WDFY3: variants seen among roughly 807,000 people sequenced by gnomAD.
The protein encoded by WDFY3 is WD repeat and FYVE domain containing 3, also known as WD repeat and FYVE domain-containing protein 3.
WDFY3 carries 66 observed loss-of-function variants against 409.6 expected under a neutral mutation model. The ratio of observed to expected loss-of-function variants is 0.16; its 90% CI spans 0.13 to 0.20. WDFY3 has a LOEUF of 0.20. Ranked by LOEUF, WDFY3 falls within the 10% of genes least tolerant of loss-of-function variation. WDFY3 has a pLI of 1.00. For synonymous variants in WDFY3, 1,521 were observed against 1,537.1 expected, an observed-to-expected ratio of 0.99 and a Z score of 0.25; for missense variants, 3,031 against 4,298.1, an observed-to-expected ratio of 0.71 and a Z score of 8.24.
At chr4:84,839,609 G>A (rs952538371) in intron 6 of WDFY3, among the ~76,000 whole-genome samples, 1 of 151,868 alleles carries the variant, frequency 6.6e-6, no homozygotes, top group Non-Finnish European at 1.5e-5. Context: ...TGTAATCCCA[G>A]CACTTTGGGA....
intron 2 of WDFY3, among the ~76,000 whole-genome samples, chr4:84,931,087 A>C (rs1227931549): frequency 6.6e-6 from 1 of 152,148 alleles, no homozygotes; most frequent in Non-Finnish European, 1.5e-5. Flanking sequence ...GTATAGAAAA[A>C]ACATAGTATA....
chr4:84,789,308 G>A (rs1409034282), intron 22 of WDFY3, among the ~76,000 whole-genome samples: 2 of 151,396 alleles, frequency 1.3e-5, no homozygotes, highest in African/African-American at 2.4e-5. Flanking sequence ...TGGGTGATAT[G>A]AAAACAAAGA....
At chr4:84,891,624 ATTT>A (rs892673389) in intron 3 of WDFY3, among the ~76,000 whole-genome samples, 9 of 152,168 alleles carry the variant, frequency 5.9e-5, no homozygotes, top group African/African-American at 2.2e-4. Context: ...ATTTGAAAGT[ATTT>A]ATTATGTTTG....
intron 21 of WDFY3, 135 bp from the exon 22 acceptor site, chr4:84,790,042 A>G: frequency 1.0e-6 from 1 of 991,302 alleles, no homozygotes; most frequent in Non-Finnish European, 1.5e-6. Context: ...TAATAATACA[A>G]CTCTGGAAAA....
At chr4:84,952,350 T>C (rs1773716195) in intron 1 of WDFY3, among the ~76,000 whole-genome samples, 1 of 152,210 alleles carries the variant, frequency 6.6e-6, no homozygotes, top group Non-Finnish European at 1.5e-5. Flanking sequence ...TTTTCATTAA[T>C]ATTTATTGTA....
chr4:84,851,068 T>C (rs888423657), intron 4 of WDFY3, among the ~76,000 whole-genome samples: 1 of 149,584 alleles, frequency 6.7e-6, no homozygotes, highest in Admixed American at 6.7e-5. Context: ...ATTACAGGTG[T>C]GAGCCACTAT....
intron 39 of WDFY3, among the ~76,000 whole-genome samples, chr4:84,739,863 T>C (rs998647014): frequency 2.0e-5 from 3 of 152,206 alleles, no homozygotes; most frequent in Admixed American, 2.0e-4. Context: ...ATTTAACATA[T>C]AACACTGCAT....
At position 84,844,400 on chromosome 4, in the gene WDFY3, C is replaced by T. The variant is rs1040189045; in HGVS notation, c.305-3137G>A. On this transcript the variant is annotated intron_variant, in intron 5 of 67. Transcript: ENST00000295888. ...AGAAAAACAATATTAGAACTCACAGCTTCCATGCTTCTTTTCATTTGACAA... is the reference window on the plus strand; with the variant it reads ...AGAAAAACAATATTAGAACTCACAGTTTCCATGCTTCTTTTCATTTGACAA... 8 of 1,274,662 alleles carry T rather than the reference C, an allele frequency of 6.3e-6. No individual in the cohort carries two copies. In the African/African-American group the frequency reaches 1.2e-4, roughly 20 times the overall value. The allele number at this position is 1,274,662 out of a possible 1,614,324, so 79.0% of individuals were successfully genotyped here.
Position 84,801,831 on chromosome 4 carries a change from T to C in WDFY3, c.2641A>G (p.Ile881Val), listed in dbSNP as rs747852446. The C allele has an allele frequency of 1.9e-6, 3 of 1,614,086 alleles. No homozygotes were observed. The South Asian group carries it at 3.3e-5, about 18-fold the overall frequency. The change falls in exon 17 of 68, where the codon ATT becomes GTT. Residue 881 changes from isoleucine to valine, a missense_variant. Ile to Val is a conservative substitution (Grantham distance 29). Transcript: ENST00000295888. ...TCTGTGTGCACCAGGGATTGTAAAA[T>C]ATTTGCCACGGCAAGTTGAAGATCC... ...ALDLQLAVAN[I>V]LQSLVHTERN...
Position 84,849,898 on chromosome 4 carries a change from A to G in WDFY3, c.304+4T>C, listed in dbSNP as rs772675613. On this transcript the variant is annotated splice_donor_region_variant and intron_variant, in intron 5 of 67. Transcript: ENST00000295888. ...TCAGTTTTTGCTGGCTACTGTAAAA[A>G]TACCTGTGGATTTGTTTGATGCTCT... 19 of 1,610,270 alleles carry G rather than the reference A, an allele frequency of 1.2e-5. 1 individual carries two copies. In the South Asian group the frequency reaches 2.0e-4, roughly 17 times the overall value.
chr4:84,705,343 C>A, intron 54 of WDFY3, 51 bp downstream of exon 54: 2 of 1,472,932 alleles, frequency 1.4e-6, no homozygotes, highest in Non-Finnish European at 1.9e-6. Flanking sequence ...TACATAATGA[C>A]TTACTTTTGA....
chr4:84,695,960 A>T lies in WDFY3; in HGVS notation c.8901+10T>A, dbSNP rs1043699583. On this transcript the variant is annotated intron_variant, in intron 58 of 67. Coordinates refer to ENST00000295888, the MANE Select transcript of WDFY3 (RefSeq NM_014991.6). ...AGAGTACATCAATGACAAGAAAAAA[A>T]CATCCATACCTGTTTAGGGATCTGA... 2.5e-6 allele frequency: 4 copies of T among 1,611,618 alleles called. No individual in the cohort carries two copies. The highest frequency in any genetic ancestry group is 3.4e-6 in the Non-Finnish European group (4 of 1,178,802).
chr4:84,700,687 T>C (rs1021698821), intron 56 of WDFY3, among the ~76,000 whole-genome samples: 1 of 152,244 alleles, frequency 6.6e-6, no homozygotes, highest in African/African-American at 2.4e-5. Flanking sequence ...GTGATAGATG[T>C]TTCTGGAAGA....
intron 30 of WDFY3, among the ~76,000 whole-genome samples, chr4:84,769,576 G>A (rs376830475): frequency 2.6e-5 from 4 of 151,838 alleles, no homozygotes; most frequent in South Asian, 2.1e-4. Context: ...CACCATGCCC[G>A]GCTAATTTTT....
Position 84,679,191 on chromosome 4 carries a change from C to T in WDFY3, c.9875G>A (p.Ser3292Asn). The T allele has an allele frequency of 6.2e-7, 1 of 1,600,006 alleles. No individual in the cohort carries two copies. Among genetic ancestry groups the T allele is most frequent in the South Asian group, 1.1e-5 (1 of 89,824 alleles). The change falls in exon 65 of 68, where the codon AGC (serine) becomes AAC (asparagine). Residue 3292 changes from serine (S) to asparagine (N), a missense_variant. Around this residue, in one of 16 missense-constraint regions of WDFY3, gnomAD observed 378 missense variants for 477.3 expected, o/e 0.79. Transcript: ENST00000295888. ...DSSDSEADEQ[S>N]ISQDPKDTPS... ...AGTGTCCTTAGGGTCCTGGCTGATG[C>T]TCTGCTCATCTGCTTCTGAATCACT... is the stretch of plus-strand genomic sequence containing the variant.
At chr4:84,743,646 C>T in intron 37 of WDFY3, 54 bp downstream of exon 37, 1 of 1,393,134 alleles carries the variant, frequency 7.2e-7, no homozygotes, top group South Asian at 1.6e-5. Flanking sequence ...TTACTTGGGG[C>T]TTAGAGAGGA....
intron 2 of WDFY3, among the ~76,000 whole-genome samples, chr4:84,899,311 G>T (rs981144402): frequency 6.6e-6 from 1 of 152,186 alleles, no homozygotes; most frequent in Non-Finnish European, 1.5e-5. Flanking sequence ...GACCCTCAGT[G>T]TAAGACAAGA....
Position 84,774,999 on chromosome 4 carries a change from T to C in WDFY3, c.4593-18A>G, listed in dbSNP as rs993405945. The C allele has an allele frequency of 1.2e-6, 2 of 1,613,500 alleles. No individual in the cohort carries two copies. The highest frequency in any genetic ancestry group is 4.5e-5 in the East Asian group (2 of 44,840). ...AGGCTTCACTATAAGAGAAAGAAGA[T>C]TTTATACACTGTACTATCACCTTTT... On this transcript the variant is annotated intron_variant, in intron 28 of 67. Transcript: ENST00000295888.
chr4:84,848,508 G>A (rs1758427921), intron 5 of WDFY3, among the ~76,000 whole-genome samples: 1 of 152,128 alleles, frequency 6.6e-6, no homozygotes, highest in Non-Finnish European at 1.5e-5. Context: ...ACCCACCACT[G>A]ACCATCTCAA....
Sources: allele counts gnomAD v4.1 joint callset (sites outside exome capture counted in the v4.1 genomes callset), GRCh38; gene constraint gnomAD v4.1.1; regional missense constraint gnomAD v4.1.1; transcripts MANE v1.5; gene names NCBI Gene and HGNC (gene_info 2026-07-23, HGNC 2026-07-21).